PDLIM5: variants seen among roughly 807,000 people sequenced by gnomAD.
PDLIM5 encodes PDZ and LIM domain 5, also known as PDZ and LIM domain protein 5.
A neutral mutation model predicts 64.2 loss-of-function variants in PDLIM5; 34 were observed. The observed-to-expected ratio is 0.53, with a 90% confidence interval of 0.40 to 0.71. The LOEUF is 0.71. Ranked by LOEUF, PDLIM5 falls within the 30% of genes least tolerant of loss-of-function variation. PDLIM5 has a pLI of 0.00. For synonymous variants in PDLIM5, 253 were observed against 269.1 expected (o/e 0.94, Z 0.59); for missense variants, 683 against 733.6 (o/e 0.93, Z 0.80).
chr4:94,456,201 C>T (rs536792837), intron 2 of PDLIM5: 1 of 456,422 alleles, frequency 2.2e-6, no homozygotes, highest in Non-Finnish European at 3.8e-6. Context: ...GCATATTATA[C>T]ACACAGTTTT....
intron 3 of PDLIM5, among the ~76,000 whole-genome samples, chr4:94,558,796 T>C (rs557508111): frequency 6.6e-6 from 1 of 152,172 alleles, no homozygotes; most frequent in East Asian, 1.9e-4. Flanking sequence ...TAAAATGAAC[T>C]GTCATGATCT....
chr4:94,584,541 C>T (rs980029148), intron 5 of PDLIM5: 4 of 157,198 alleles, frequency 2.5e-5, no homozygotes, highest in African/African-American at 9.6e-5. Context: ...ATATATATTT[C>T]AGTAGTTGCT....
At chr4:94,651,709 G>A (rs1334019659) in intron 9 of PDLIM5, among the ~76,000 whole-genome samples, 1 of 152,136 alleles carries the variant, frequency 6.6e-6, no homozygotes, top group Admixed American at 6.5e-5. Flanking sequence ...ATAAAAATAA[G>A]ACTACTGCTG....
chr4:94,575,842 T>C lies in PDLIM5; in HGVS notation c.518T>C (p.Leu173Pro), dbSNP rs1409774861. ...PSPVAAVTPP[L>P]FAASGLHANA... Reference sequence around the variant, plus strand: ...CCCGTGGCTGCCGTCACTCCTCCCCTGTTCGCTGCATCTGGACTGCATGCT... The same window carrying C: ...CCCGTGGCTGCCGTCACTCCTCCCCCGTTCGCTGCATCTGGACTGCATGCT... Residue 173 changes from leucine to proline, a missense_variant, in exon 5 of 13, where the codon CTG (leucine) becomes CCG (proline). Transcript: ENST00000317968. 6 of 1,614,168 alleles carry C rather than the reference T, an allele frequency of 3.7e-6. No individual in the cohort carries two copies. The highest frequency in any genetic ancestry group is 1.3e-5 in the African/African-American group (1 of 75,022).
chr4:94,535,243 A>G (rs1467648935), intron 3 of PDLIM5, among the ~76,000 whole-genome samples: 1 of 152,144 alleles, frequency 6.6e-6, no homozygotes, highest in East Asian at 1.9e-4. Context: ...TTCTGGATAG[A>G]TGTAGAATGA....
chr4:94,602,445 A>G (rs1240554864), intron 7 of PDLIM5, among the ~76,000 whole-genome samples: 1 of 152,096 alleles, frequency 6.6e-6, no homozygotes, highest in Non-Finnish European at 1.5e-5. Flanking sequence ...AGAGAACTTT[A>G]CCATCCTGCA....
At chr4:94,455,113 T>A (rs1723211915) in intron 1 of PDLIM5, 134 bp from the exon 2 acceptor site, 1 of 501,706 alleles carries the variant, frequency 2.0e-6, no homozygotes, top group Non-Finnish European at 3.6e-6. Flanking sequence ...TTTCTTAAAC[T>A]GAAATTAATG....
At chr4:94,486,339 T>TA (rs1353196959) in intron 2 of PDLIM5, among the ~76,000 whole-genome samples, 2 of 152,216 alleles carry the variant, frequency 1.3e-5, no homozygotes, top group African/African-American at 4.8e-5. Context: ...TTTCAGGAGA[T>TA]AAGAGAAAGA....
chr4:94,583,541 A>G (rs1735913487), intron 5 of PDLIM5, among the ~76,000 whole-genome samples: 2 of 152,180 alleles, frequency 1.3e-5, no homozygotes, highest in South Asian at 4.1e-4. Context: ...TGTCTGTTTT[A>G]TGGCTGCCAA....
At chr4:94,494,419 T>A (rs1251104702) in intron 2 of PDLIM5, among the ~76,000 whole-genome samples, 2 of 139,026 alleles carry the variant, frequency 1.4e-5, no homozygotes, top group Non-Finnish European at 3.1e-5. Context: ...CATTCACTAA[T>A]TTTTTTTTTC....
intron 7 of PDLIM5, among the ~76,000 whole-genome samples, chr4:94,598,449 C>CAGTT (rs1298705147): frequency 6.6e-6 from 1 of 152,042 alleles, no homozygotes. Flanking sequence ...GGGTGAGAAG[C>CAGTT]AGTTATATGA....
chr4:94,503,230 A>G (rs997044460), intron 2 of PDLIM5, among the ~76,000 whole-genome samples: 5 of 152,156 alleles, frequency 3.3e-5, no homozygotes, highest in African/African-American at 1.2e-4. Flanking sequence ...TATATAGTCT[A>G]CACTTCCTCA....
intron 2 of PDLIM5, among the ~76,000 whole-genome samples, chr4:94,499,063 A>G (rs1727663140): frequency 6.6e-6 from 1 of 152,184 alleles, no homozygotes. Context: ...ATGAATGAGA[A>G]CTTGAACACT....
chr4:94,499,757 G>A (rs775305203), intron 2 of PDLIM5, among the ~76,000 whole-genome samples: 3 of 152,162 alleles, frequency 2.0e-5, no homozygotes, highest in East Asian at 1.9e-4. Context: ...CCTGAGCTCC[G>A]CCTCCTGTCA....
At chr4:94,579,752 A>G (rs1735588863) in intron 5 of PDLIM5, among the ~76,000 whole-genome samples, 1 of 152,128 alleles carries the variant, frequency 6.6e-6, no homozygotes, top group African/African-American at 2.4e-5. Context: ...AAGTCATAAA[A>G]TGTATGTGGG....
intron 3 of PDLIM5, chr4:94,549,657 A>G (rs1732628378): frequency 6.6e-6 from 1 of 152,192 alleles, no homozygotes. Context: ...GCAAGGTGTA[A>G]AACAGTGTGC....
intron 8 of PDLIM5, among the ~76,000 whole-genome samples, chr4:94,619,465 C>G (rs1393065660): frequency 6.6e-6 from 1 of 151,932 alleles, no homozygotes; most frequent in Non-Finnish European, 1.5e-5. Flanking sequence ...ACAGTGAAAC[C>G]CTGTCTCTAC....
chr4:94,496,366 C>T (rs1727395043), intron 2 of PDLIM5, among the ~76,000 whole-genome samples: 1 of 152,176 alleles, frequency 6.6e-6, no homozygotes, highest in Non-Finnish European at 1.5e-5. Context: ...CTTTATTCCT[C>T]TTATACCTTG....
At chr4:94,491,492 G>A (rs1162729191) in intron 2 of PDLIM5, among the ~76,000 whole-genome samples, 1 of 151,950 alleles carries the variant, frequency 6.6e-6, no homozygotes, top group African/African-American at 2.4e-5. Context: ...CTTGTTAACT[G>A]GATGAATTCA....
Sources: gnomAD v4.1 joint callset for allele counts (sites outside exome capture counted in the v4.1 genomes callset) on GRCh38, gnomAD v4.1.1 for gene constraint, MANE v1.5 for transcripts, NCBI Gene and HGNC (gene_info 2026-07-23, HGNC 2026-07-21) for gene names.